The following MECOM variants were observed in gnomAD, a reference collection of about 807,000 sequenced individuals.
MECOM encodes MDS1 and EVI1 complex locus.
In MECOM, 13 loss-of-function variants were observed where a neutral mutation model predicts 116.3. The observed-to-expected ratio is 0.11, with a 90% confidence interval of 0.07 to 0.18. The LOEUF (loss-of-function observed/expected upper bound fraction) is 0.18, where lower values mean the gene tolerates loss of function less well. Ranked by LOEUF, MECOM falls within the 10% of genes least tolerant of loss-of-function variation. The pLI is 1.00. For synonymous variants in MECOM, 528 were observed against 535.2 expected (o/e 0.99, Z 0.19); for missense variants, 1,299 against 1,509.0 (o/e 0.86, Z 2.31).
chr3:169,513,758 C>A (rs954199176), intron 1 of MECOM, among the ~76,000 whole-genome samples: 1 of 152,160 alleles, frequency 6.6e-6, no homozygotes, highest in Non-Finnish European at 1.5e-5. Context: ...GGACAATAAT[C>A]ATCTGTTATC....
chr3:169,179,276 A>G (rs993175938), intron 2 of MECOM, among the ~76,000 whole-genome samples: 1 of 152,198 alleles, frequency 6.6e-6, no homozygotes, highest in Non-Finnish European at 1.5e-5. Flanking sequence ...ATATTAATGC[A>G]AAAGCTATTG....
In MECOM at chr3:169,499,304, A is replaced by G. The variant is rs1754225221; in HGVS notation, c.38-117780T>C. Reference sequence around the variant, plus strand: ...AGACTTCAAAAGGTCCAGGATACAGAGAAAAATCTTAAGCTTGCAGAGAGA... The same window carrying G: ...AGACTTCAAAAGGTCCAGGATACAGGGAAAAATCTTAAGCTTGCAGAGAGA... On this transcript the variant is annotated intron_variant, in intron 1 of 16. Transcript: ENST00000651503. Among the ~76,000 whole-genome samples, 9 of 148,364 alleles carry G rather than the reference A, an allele frequency of 6.1e-5. No homozygotes were observed. In the South Asian group the frequency reaches 1.8e-3, roughly 29 times the overall value.
chr3:169,564,132 T>C (rs1342186200), intron 1 of MECOM, among the ~76,000 whole-genome samples: 4 of 152,178 alleles, frequency 2.6e-5, no homozygotes, highest in African/African-American at 9.6e-5. Flanking sequence ...AGGTGTAGAG[T>C]AAATTGCAAT....
intron 1 of MECOM, among the ~76,000 whole-genome samples, chr3:169,481,510 G>A (rs1309536182): frequency 1.3e-5 from 2 of 151,982 alleles, no homozygotes; most frequent in Non-Finnish European, 2.9e-5. Context: ...CCAAGATGGT[G>A]CCACTGCACT....
intron 1 of MECOM, among the ~76,000 whole-genome samples, chr3:169,433,689 G>T (rs1003684157): frequency 1.7e-4 from 16 of 96,856 alleles, no homozygotes; most frequent in African/African-American, 5.7e-4. Context: ...AAGAAAGAAA[G>T]AGAAAGAAAG....
intron 3 of MECOM, among the ~76,000 whole-genome samples, chr3:169,134,439 G>T (rs763392200): frequency 6.6e-6 from 1 of 152,112 alleles, no homozygotes; most frequent in Non-Finnish European, 1.5e-5. Context: ...AAAGCAAAGT[G>T]GATTTTAACT....
intron 2 of MECOM, among the ~76,000 whole-genome samples, chr3:169,170,430 C>CAAAAAAAAAAAAAA (rs1744249703): frequency 7.5e-6 from 1 of 132,650 alleles, no homozygotes; most frequent in African/African-American, 2.9e-5. Context: ...AAAAAAAAAT[C>CAAAAAAAAAAAAAA]AAAGCTAAGC....
At chr3:169,355,351 CACA>C (rs558772938) in intron 2 of MECOM, among the ~76,000 whole-genome samples, 34 of 151,950 alleles carry the variant, frequency 2.2e-4, no homozygotes, top group Non-Finnish European at 4.4e-4. Flanking sequence ...ATAAATTGAA[CACA>C]ACAAGTGTGG....
intron 2 of MECOM, among the ~76,000 whole-genome samples, chr3:169,306,949 C>T (rs1187643301): frequency 6.6e-6 from 1 of 152,176 alleles, no homozygotes; most frequent in Non-Finnish European, 1.5e-5. Context: ...ATCTCCAACC[C>T]AGACCACTTC....
At chr3:169,127,080 C>CA (rs1402197111) in intron 5 of MECOM, among the ~76,000 whole-genome samples, 3 of 151,804 alleles carry the variant, frequency 2.0e-5, no homozygotes, top group South Asian at 2.1e-4. Flanking sequence ...TAGAAACAAA[C>CA]AAAAAAACCC....
At chr3:169,287,615 G>T (rs1369583878) in intron 2 of MECOM, among the ~76,000 whole-genome samples, 3 of 152,162 alleles carry the variant, frequency 2.0e-5, no homozygotes, top group Non-Finnish European at 4.4e-5. Flanking sequence ...TACTTGAAAT[G>T]CATGAAGCTG....
At chr3:169,536,105 C>A (rs970230350) in intron 1 of MECOM, among the ~76,000 whole-genome samples, 11 of 152,116 alleles carry the variant, frequency 7.2e-5, no homozygotes, top group Admixed American at 1.3e-4. Context: ...GTTCAGCCAC[C>A]ACTGAACCTT....
intron 1 of MECOM, among the ~76,000 whole-genome samples, chr3:169,655,765 A>T (rs1387581034): frequency 6.6e-6 from 1 of 152,236 alleles, no homozygotes; most frequent in Non-Finnish European, 1.5e-5. Context: ...GAAACTGGAT[A>T]AAAACATTAA....
intron 2 of MECOM, among the ~76,000 whole-genome samples, chr3:169,212,424 G>A (rs1361561501): frequency 6.7e-6 from 1 of 149,960 alleles, no homozygotes; most frequent in Non-Finnish European, 1.5e-5. Context: ...GTAATCAGCT[G>A]TAATGTCAAT....
At chr3:169,612,359 G>A (rs897578207) in intron 1 of MECOM, among the ~76,000 whole-genome samples, 5 of 152,136 alleles carry the variant, frequency 3.3e-5, no homozygotes, top group African/African-American at 1.2e-4. Flanking sequence ...ACATTGCTGA[G>A]ATTTTACAAA....
At chr3:169,394,375 C>T (rs1478252621) in intron 1 of MECOM, among the ~76,000 whole-genome samples, 1 of 152,074 alleles carries the variant, frequency 6.6e-6, no homozygotes, top group Non-Finnish European at 1.5e-5. Context: ...TAAATAGAGT[C>T]AAGTGAATGG....
At position 169,388,153 on chromosome 3, in the gene MECOM, G is replaced by A. The variant is rs540128084; in HGVS notation, c.38-6629C>T. 5.3e-5 allele frequency among the ~76,000 whole-genome samples: 8 copies of A among 152,192 alleles called. No individual in the cohort carries two copies. The South Asian group carries it at 1.2e-3, about 24-fold the overall frequency. ...CCCACTAGGGACCTCCTGGTAGGAC[G>A]TGAGCACATGAGCACAAGTCCATGA... On this transcript the variant is annotated intron_variant, in intron 1 of 16. Coordinates refer to ENST00000651503, the MANE Select transcript of MECOM (RefSeq NM_004991.4).
chr3:169,444,486 T>C (rs1276368732), intron 1 of MECOM, among the ~76,000 whole-genome samples: 2 of 152,164 alleles, frequency 1.3e-5, no homozygotes, highest in Non-Finnish European at 2.9e-5. Context: ...GTTTCCGTTT[T>C]TGCCTCTTCC....
At chr3:169,442,977 T>A (rs532100734) in intron 1 of MECOM, among the ~76,000 whole-genome samples, 1 of 152,252 alleles carries the variant, frequency 6.6e-6, no homozygotes, top group East Asian at 1.9e-4. Flanking sequence ...ATTCAGTAGG[T>A]GCTCAGTAAC....
Sources: gnomAD v4.1 joint callset for allele counts (sites outside exome capture counted in the v4.1 genomes callset) on GRCh38, gnomAD v4.1.1 for gene constraint, MANE v1.5 for transcripts, NCBI Gene and HGNC (gene_info 2026-07-23, HGNC 2026-07-21) for gene names.